EPB41L4A: variants seen among roughly 807,000 people sequenced by gnomAD.
EPB41L4A encodes erythrocyte membrane protein band 4.1 like 4A, also known as band 4.1-like protein 4A.
EPB41L4A carries 100 observed loss-of-function variants against 108.6 expected under a neutral mutation model. The ratio of observed to expected loss-of-function variants is 0.92; its 90% CI spans 0.78 to 1.09. The LOEUF is 1.09. Among genes scored for constraint, EPB41L4A ranks in the 50% least tolerant of loss-of-function variants. The pLI, the probability that EPB41L4A is intolerant of heterozygous loss-of-function variation, is 0.00. For synonymous variants in EPB41L4A, 319 were observed against 289.0 expected, an observed-to-expected ratio of 1.10 and a Z score of -1.05; for missense variants, 1,030 against 842.7, an observed-to-expected ratio of 1.22 and a Z score of -2.75.
At chr5:112,234,843 T>A in intron 11 of EPB41L4A, 88 bp from the exon 12 acceptor site, 1 of 1,407,110 alleles carries the variant, frequency 7.1e-7, no homozygotes, top group Admixed American at 2.1e-5. Flanking sequence ...CTGCCAAATA[T>A]GGAGAGAAGA....
At chr5:112,324,435 AC>A (rs1756006195) in intron 1 of EPB41L4A, among the ~76,000 whole-genome samples, 1 of 152,016 alleles carries the variant, frequency 6.6e-6, no homozygotes, top group East Asian at 1.9e-4. Flanking sequence ...ACATGGTAAA[AC>A]CCTGTCTCTA....
intron 7 of EPB41L4A, among the ~76,000 whole-genome samples, chr5:112,261,679 A>C (rs530261374): frequency 2.6e-4 from 39 of 152,328 alleles, no homozygotes; most frequent in African/African-American, 8.2e-4. Flanking sequence ...CCACTGAAAA[A>C]AATCTGCAAA....
chr5:112,143,362 T>C (rs1011024189), exon 14 of EPB41L4A: 14 of 152,392 alleles, frequency 9.2e-5, no homozygotes, highest in African/African-American at 3.4e-4. Context: ...AGATTCTTAA[T>C]GGATTGTTGC....
chr5:112,265,008 C>T lies in EPB41L4A; in HGVS notation c.442G>A (p.Gly148Arg). 6.4e-7 allele frequency: 1 copy of T among 1,573,476 alleles called. No homozygotes were observed. The change falls in exon 6 of 23, where the codon GGA becomes AGA. Residue 148 changes from glycine to arginine, a missense_variant. Coordinates refer to ENST00000261486, the MANE Select transcript of EPB41L4A (RefSeq NM_022140.5). ...GTATGTTTATATGGGTCATAATCTC[C>T]AAGCTCCGCTAAAAAAGAAAGATAA... ...LGAYAIQSEL[G>R]DYDPYKHTAG...
At chr5:112,394,344 T>C (rs1486791966) in intron 1 of EPB41L4A, among the ~76,000 whole-genome samples, 2 of 152,144 alleles carry the variant, frequency 1.3e-5, no homozygotes, top group African/African-American at 2.4e-5. Flanking sequence ...GAAAACACCA[T>C]AATCTCGGCC....
At chr5:112,333,183 T>G (rs1299541037) in intron 1 of EPB41L4A, among the ~76,000 whole-genome samples, 3 of 152,180 alleles carry the variant, frequency 2.0e-5, no homozygotes, top group Non-Finnish European at 4.4e-5. Flanking sequence ...CAGATCACAG[T>G]TGAGTCTCTG....
chr5:112,262,587 C>T lies in EPB41L4A; in HGVS notation c.555-6G>A, dbSNP rs200163038. 2.1e-5 allele frequency: 34 copies of T among 1,612,754 alleles called. No homozygotes were observed. The highest frequency in any genetic ancestry group is 2.7e-5 in the African/African-American group (2 of 74,972). ...CCTCAGAAGGAATCTGACCCCTACA[C>T]CCAGCACAAAAACAAAGAGCCTTAT... On this transcript the variant is annotated splice_polypyrimidine_tract_variant and splice_region_variant and intron_variant, in intron 6 of 22. Coordinates refer to ENST00000261486, the MANE Select transcript of EPB41L4A (RefSeq NM_022140.5).
intron 1 of EPB41L4A, among the ~76,000 whole-genome samples, chr5:112,390,237 C>A (rs575915796): frequency 6.6e-6 from 1 of 152,138 alleles, no homozygotes. Flanking sequence ...CAAAGCAGGG[C>A]GGGGCATCGC....
At chr5:112,322,012 C>T (rs919514775) in intron 1 of EPB41L4A, among the ~76,000 whole-genome samples, 3 of 152,154 alleles carry the variant, frequency 2.0e-5, no homozygotes, top group Non-Finnish European at 4.4e-5. Flanking sequence ...TTACATAAGT[C>T]ATAATCAGAT....
rs992708039 is a variant in EPB41L4A at position 112,366,834 on chromosome 5, G to C, written c.99+52107C>G. 2.6e-5 allele frequency among the ~76,000 whole-genome samples: 4 copies of C among 152,136 alleles called. 1 individual carries two copies. The highest frequency in any genetic ancestry group is 2.0e-4 in the Admixed American group (3 of 15,274). Reference sequence around the variant, plus strand: ...TTCAGCTATTTGCATTTTTATATTTGTGTGTCTTATCCTACTGTACTATGA... The same window carrying C: ...TTCAGCTATTTGCATTTTTATATTTCTGTGTCTTATCCTACTGTACTATGA... On this transcript the variant is annotated intron_variant, in intron 1 of 22. Transcript: ENST00000261486.
chr5:112,252,915 C>A (rs2150414711), intron 9 of EPB41L4A, among the ~76,000 whole-genome samples: 1 of 151,716 alleles, frequency 6.6e-6, no homozygotes, highest in East Asian at 1.9e-4. Flanking sequence ...TTAATAAATA[C>A]TGACAATAAA....
intron 3 of EPB41L4A, among the ~76,000 whole-genome samples, chr5:112,276,273 A>T (rs1580589821): frequency 1.3e-5 from 2 of 152,300 alleles, no homozygotes; most frequent in Middle Eastern, 3.4e-3. Flanking sequence ...ATGCCTACAA[A>T]CTTTTTTTTA....
chr5:112,168,699 C>T (rs1301442547), intron 22 of EPB41L4A, 40 bp downstream of exon 22: 1 of 1,529,366 alleles, frequency 6.5e-7, no homozygotes, highest in East Asian at 2.3e-5. Context: ...TCAAAATTGT[C>T]ATCAATACAA....
At chr5:112,231,780 A>G (rs1308199354) in intron 12 of EPB41L4A, among the ~76,000 whole-genome samples, 1 of 109,678 alleles carries the variant, frequency 9.1e-6, no homozygotes, top group African/African-American at 3.4e-5. Context: ...CGACAGAGCT[A>G]GACTCCGTCT....
chr5:112,205,226 T>G (rs1310394144), intron 14 of EPB41L4A, among the ~76,000 whole-genome samples, 195 bp downstream of exon 14: 2 of 151,970 alleles, frequency 1.3e-5, no homozygotes, highest in African/African-American at 4.8e-5. Context: ...AGTTTCATGT[T>G]ATAAAACATA....
At chr5:112,221,906 C>T (rs1304667329) in intron 12 of EPB41L4A, among the ~76,000 whole-genome samples, 1 of 152,166 alleles carries the variant, frequency 6.6e-6, no homozygotes, top group Admixed American at 6.5e-5. Context: ...TAACCAGACT[C>T]GCCATACATT....
chr5:112,300,362 A>G (rs1467503920), intron 2 of EPB41L4A, among the ~76,000 whole-genome samples: 5 of 152,128 alleles, frequency 3.3e-5, no homozygotes, highest in Non-Finnish European at 7.4e-5. Context: ...AAATTCTCTC[A>G]GCATTTGTTT....
intron 1 of EPB41L4A, among the ~76,000 whole-genome samples, chr5:112,315,656 G>T (rs1755383603): frequency 6.6e-6 from 1 of 151,962 alleles, no homozygotes; most frequent in African/African-American, 2.4e-5. Context: ...TATTCTAAAG[G>T]TAGCATAAGG....
chr5:112,265,603 A>C (rs1580564298), intron 5 of EPB41L4A, among the ~76,000 whole-genome samples: 1 of 152,320 alleles, frequency 6.6e-6, no homozygotes, highest in South Asian at 2.1e-4. Context: ...TTTTCCTAGC[A>C]TATTTCTTCT....
Sources: allele counts gnomAD v4.1 joint callset (sites outside exome capture counted in the v4.1 genomes callset), GRCh38; gene constraint gnomAD v4.1.1; transcripts MANE v1.5; gene names NCBI Gene and HGNC (gene_info 2026-07-23, HGNC 2026-07-21).